Variants in IL1RL2 observed in about 807,000 individuals in gnomAD.
IL1RL2 encodes the protein interleukin 1 receptor like 2.
IL1RL2 carries 68 observed loss-of-function variants against 66.8 expected under a neutral mutation model. That is an observed-to-expected ratio of 1.02 (90% CI 0.84 to 1.25). IL1RL2 has a LOEUF of 1.25. Ranked by LOEUF, IL1RL2 falls within the 50% of genes most tolerant of loss-of-function variation. The pLI is 0.00. For missense variants in IL1RL2, 729 were observed against 709.3 expected, an observed-to-expected ratio of 1.03 and a Z score of -0.32; for synonymous variants, 305 against 264.6, an observed-to-expected ratio of 1.15 and a Z score of -1.48.
chr2:102,202,250 G>A (rs1223897514), intron 5 of IL1RL2, among the ~76,000 whole-genome samples: 2 of 151,946 alleles, frequency 1.3e-5, no homozygotes, highest in African/African-American at 4.8e-5. Context: ...AATCTTAGGG[G>A]AAGAAGAAAC....
chr2:102,200,901 C>T (rs565486373), intron 4 of IL1RL2, among the ~76,000 whole-genome samples: 25 of 152,182 alleles, frequency 1.6e-4, no homozygotes, highest in African/African-American at 5.8e-4. Flanking sequence ...GACATCTGCC[C>T]ACCATAAACC....
chr2:102,197,622 C>T (rs1173051807), intron 4 of IL1RL2, among the ~76,000 whole-genome samples: 1 of 152,180 alleles, frequency 6.6e-6, no homozygotes, highest in African/African-American at 2.4e-5. Flanking sequence ...GGATGGAATT[C>T]CATGTCTCCA....
chr2:102,242,135 G>A (rs1301643950), downstream of IL1RL2, among the ~76,000 whole-genome samples: 1 of 152,218 alleles, frequency 6.6e-6, no homozygotes, highest in Admixed American at 6.5e-5. Context: ...ATTCTGAAGA[G>A]CCGGATGAAA....
intron 10 of IL1RL2, 149 bp downstream of exon 10, chr2:102,233,273 C>T (rs1303097501): frequency 1.2e-5 from 9 of 746,930 alleles, no homozygotes; most frequent in African/African-American, 8.8e-5. Context: ...CGTCAGCCCC[C>T]AGCCCCCAGC....
intron 5 of IL1RL2, among the ~76,000 whole-genome samples, chr2:102,202,857 T>A (rs1187655520): frequency 1.3e-5 from 2 of 152,204 alleles, no homozygotes; most frequent in African/African-American, 2.4e-5. Context: ...TTTTCTAATT[T>A]GGATGCCGTT....
At chr2:102,238,209 G>A (rs746720355) in intron 11 of IL1RL2, among the ~76,000 whole-genome samples, 5 of 152,008 alleles carry the variant, frequency 3.3e-5, no homozygotes, top group South Asian at 4.2e-4. Flanking sequence ...GTGCTGAGTC[G>A]CTGGGTTACC....
intron 5 of IL1RL2, among the ~76,000 whole-genome samples, chr2:102,202,126 C>T (rs1007386054): frequency 7.2e-5 from 11 of 151,976 alleles, no homozygotes; most frequent in East Asian, 1.9e-4. Context: ...CCTCAAGTGC[C>T]GCAGAGCTCA....
At chr2:102,192,489 G>A (rs566393666) in intron 4 of IL1RL2, among the ~76,000 whole-genome samples, 7 of 152,162 alleles carry the variant, frequency 4.6e-5, no homozygotes, top group Admixed American at 2.0e-4. Context: ...TCCTGCTACC[G>A]TTCCATATTT....
chr2:102,213,555 A>G (rs1187494342), intron 6 of IL1RL2, among the ~76,000 whole-genome samples: 2 of 152,170 alleles, frequency 1.3e-5, no homozygotes, highest in Non-Finnish European at 2.9e-5. Flanking sequence ...ACAACAACAA[A>G]AAATCTCTTA....
intron 7 of IL1RL2, among the ~76,000 whole-genome samples, chr2:102,219,500 G>A (rs1287894413): frequency 6.6e-6 from 1 of 152,164 alleles, no homozygotes. Flanking sequence ...CTAATTGAAT[G>A]GGTATAAACT....
chr2:102,199,004 C>T (rs1356115710), intron 4 of IL1RL2, among the ~76,000 whole-genome samples: 1 of 152,166 alleles, frequency 6.6e-6, no homozygotes, highest in Non-Finnish European at 1.5e-5. Flanking sequence ...TTCTTCATTT[C>T]TTTGCATTCC....
intron 1 of IL1RL2, chr2:102,187,380 T>C: frequency 8.7e-7 from 1 of 1,151,194 alleles, no homozygotes. Flanking sequence ...GAGCGGGTGT[T>C]TGGGGTTTCT....
intron 6 of IL1RL2, among the ~76,000 whole-genome samples, chr2:102,217,857 G>C (rs1427561411): frequency 6.6e-6 from 1 of 152,150 alleles, no homozygotes; most frequent in Non-Finnish European, 1.5e-5. Context: ...AATTGCTCAT[G>C]ACATTGGACT....
Position 102,218,620 on chromosome 2 carries a change from T to G in IL1RL2, c.725-333T>G, listed in dbSNP as rs77438046. On this transcript the variant is annotated intron_variant, in intron 6 of 11. Coordinates refer to ENST00000264257, the MANE Select transcript of IL1RL2 (RefSeq NM_003854.4). ...CTGCCTTGTAAGATTGTTTTGAAGA[T>G]TCAAAGACTGAAGGATAAAATGCAT... 7.2e-3 allele frequency among the ~76,000 whole-genome samples: 1,093 copies of G among 152,320 alleles called. 17 individuals carry two copies. Among genetic ancestry groups the G allele is most frequent in the African/African-American group, 0.025 (1,055 of 41,576 alleles).
chr2:102,193,380 A>C (rs1351693043), intron 4 of IL1RL2, among the ~76,000 whole-genome samples: 2 of 152,180 alleles, frequency 1.3e-5, no homozygotes, highest in African/African-American at 2.4e-5. Context: ...ATTTTGTATC[A>C]GTTTATACTT....
rs75864739 is a variant in IL1RL2, at chr2:102,238,263, C to A, written c.1679-929C>A. Among the ~76,000 whole-genome samples, 85 of 152,224 alleles carry A rather than the reference C, an allele frequency of 5.6e-4. 1 individual carries two copies. Among genetic ancestry groups the A allele is most frequent in the African/African-American group, 2.0e-3 (84 of 41,522 alleles). ...TAATGACTGAGTCAGCCACAAAACC[C>A]ACTACCTTTGGTATCTCCCCTCAAA... On this transcript the variant is annotated intron_variant, in intron 11 of 11. Transcript: ENST00000264257.
intron 6 of IL1RL2, among the ~76,000 whole-genome samples, chr2:102,217,921 A>C (rs34082000): frequency 0.012 from 1,813 of 152,306 alleles, 28 homozygotes; most frequent in African/African-American, 0.037. Flanking sequence ...AAGTTAAAAT[A>C]GACAAATGGA....
chr2:102,188,223 AG>A (rs1223960629), intron 2 of IL1RL2, among the ~76,000 whole-genome samples: 3 of 152,178 alleles, frequency 2.0e-5, no homozygotes, highest in Non-Finnish European at 4.4e-5. Flanking sequence ...CTATTTTATA[AG>A]ATAAAGCGTT....
chr2:102,200,107 C>A (rs1488911597), intron 4 of IL1RL2, among the ~76,000 whole-genome samples: 3 of 128,484 alleles, frequency 2.3e-5, no homozygotes, highest in Non-Finnish European at 4.8e-5. Context: ...GAGCTAAGAC[C>A]CTGTTCCAGC....
Sources: allele counts gnomAD v4.1 joint callset (sites outside exome capture counted in the v4.1 genomes callset), GRCh38; gene constraint gnomAD v4.1.1; transcripts MANE v1.5; gene names NCBI Gene and HGNC (gene_info 2026-07-23, HGNC 2026-07-21).